The following INSL6 variants were observed in gnomAD, a reference collection of about 807,000 sequenced individuals.
INSL6 encodes insulin-like peptide INSL6.
Under a neutral mutation model 9.4 loss-of-function variants are expected in INSL6, and 16 were observed. That is an observed-to-expected ratio of 1.70 (90% confidence interval 1.15 to 2.59). The LOEUF is 2.59. Among genes scored for constraint, INSL6 ranks in the 30% most tolerant of loss-of-function variants. The probability of loss-of-function intolerance (pLI) is 0.00; values close to 1 mark genes in which losing one functional copy is unlikely to be tolerated. For synonymous variants in INSL6, 154 were observed against 96.9 expected (o/e 1.59, Z -3.46); for missense variants, 391 against 257.3 (o/e 1.52, Z -3.56).
chr9:5,163,825 C>A, downstream of INSL6: 1 of 833,868 alleles, frequency 1.2e-6, no homozygotes, highest in Non-Finnish European at 1.9e-6. Flanking sequence ...TTTTTCACAT[C>A]ATATCACTTA....
chr9:5,162,452 T>C (rs1023319694), downstream of INSL6, among the ~76,000 whole-genome samples: 7 of 152,244 alleles, frequency 4.6e-5, no homozygotes, highest in Non-Finnish European at 8.8e-5. Flanking sequence ...GGGACTTTTG[T>C]TGTGTGTATA....
At chr9:5,098,122 A>G in the INSL6 span, 1 of 152,150 alleles carries the variant, frequency 6.6e-6, no homozygotes, top group Non-Finnish European at 1.5e-5. Context: ...TTGAACAACC[A>G]TCTAGTAATT....
chr9:5,078,201 A>G, the INSL6 span: 25 of 874,244 alleles, frequency 2.9e-5, 1 homozygote, highest in African/African-American at 1.4e-4. Flanking sequence ...TTATTATACT[A>G]TCATGTATTT....
chr9:5,111,894 C>A, the INSL6 span: 1 of 356,860 alleles, frequency 2.8e-6, no homozygotes, highest in South Asian at 2.1e-5. Flanking sequence ...GCTCTGGGGA[C>A]GCCCTCGGGA....
At chr9:5,153,438 G>T (rs1397814417) in intron 2 of INSL6, among the ~76,000 whole-genome samples, 1 of 152,200 alleles carries the variant, frequency 6.6e-6, no homozygotes, top group African/African-American at 2.4e-5. Flanking sequence ...GTTTGAACAG[G>T]GTGGAGCCCA....
chr9:5,001,433 A>G, the INSL6 span, among the ~76,000 whole-genome samples: 1 of 152,152 alleles, frequency 6.6e-6, no homozygotes, highest in African/African-American at 2.4e-5. Flanking sequence ...TTCCTGCAAC[A>G]ATTGGGACGA....
At chr9:5,128,874 C>T (rs1403579113) in intron 3 of INSL6, among the ~76,000 whole-genome samples, 1 of 151,968 alleles carries the variant, frequency 6.6e-6, no homozygotes, top group African/African-American at 2.4e-5. Context: ...TAATATTCTT[C>T]AGAAACAAGG....
the INSL6 span, among the ~76,000 whole-genome samples, chr9:5,034,708 A>G: frequency 2.0e-5 from 3 of 152,144 alleles, no homozygotes; most frequent in African/African-American, 4.8e-5. Flanking sequence ...AAGACACAAC[A>G]TACCAGAATC....
chr9:5,155,445 T>C (rs1232898481), intron 2 of INSL6, among the ~76,000 whole-genome samples: 7 of 150,006 alleles, frequency 4.7e-5, no homozygotes, highest in Non-Finnish European at 7.4e-5. Flanking sequence ...CTGCACGTTA[T>C]GCACATGTAC....
intron 3 of INSL6, chr9:5,126,284 T>C: frequency 1.5e-6 from 2 of 1,326,088 alleles, no homozygotes; most frequent in Non-Finnish European, 1.1e-6. Context: ...AGAAAGAATT[T>C]TGCTACAAAT....
At chr9:5,101,699 A>G in the INSL6 span, among the ~76,000 whole-genome samples, 7 of 152,202 alleles carry the variant, frequency 4.6e-5, no homozygotes, top group Non-Finnish European at 1.0e-4. Context: ...AGGCAGCAAC[A>G]TTGGCTGTTC....
chr9:5,022,040 C>T, the INSL6 span: 1 of 1,614,122 alleles, frequency 6.2e-7, no homozygotes, highest in Non-Finnish European at 8.5e-7. Flanking sequence ...TCCACCTCTT[C>T]TATATATCAG....
the INSL6 span, among the ~76,000 whole-genome samples, chr9:5,092,542 G>C: frequency 6.6e-6 from 1 of 152,112 alleles, no homozygotes; most frequent in Admixed American, 6.5e-5. Context: ...ATTTACCTTA[G>C]ACAAAAGAAT....
At position 5,185,401 on chromosome 9, in the gene INSL6, C is replaced by T. The variant is rs552133251; in HGVS notation, c.202G>A (p.Ala68Thr). Residue 68 changes from alanine to threonine, a missense_variant, in exon 1 of 2, where the codon GCC becomes ACC. Physicochemically the swap from Ala to Thr is moderately conservative, Grantham distance 58. Coordinates refer to ENST00000381641, the MANE Select transcript of INSL6 (RefSeq NM_007179.3). ...CTGTAGGCTTCGACCTTCTCCGAGGCCTGTGCAATCAACCGTGAGAAAGGG... is the reference window on the plus strand; with the variant it reads ...CTGTAGGCTTCGACCTTCTCCGAGGTCTGTGCAATCAACCGTGAGAAAGGG... ...ETPFSRLIAQ[A>T]SEKVEAYSPY... The T allele has an allele frequency of 2.5e-6, 4 of 1,614,156 alleles. No homozygotes were observed. The highest frequency in any genetic ancestry group is 3.3e-5 in the Admixed American group (2 of 60,028).
chr9:5,177,696 G>T (rs1825342820), intron 1 of INSL6, among the ~76,000 whole-genome samples: 1 of 152,176 alleles, frequency 6.6e-6, no homozygotes, highest in Admixed American at 6.5e-5. Flanking sequence ...GCAAAAGCTG[G>T]AGTCCACCTG....
chr9:5,097,935 T>TC, the INSL6 span: 1 of 152,126 alleles, frequency 6.6e-6, no homozygotes, highest in South Asian at 2.1e-4. Context: ...TTAACCTTTT[T>TC]CCCACAGCAC....
chr9:5,174,443 A>G (rs1586877225), intron 1 of INSL6, among the ~76,000 whole-genome samples: 1 of 152,222 alleles, frequency 6.6e-6, no homozygotes, highest in African/African-American at 2.4e-5. Context: ...GATTTATGAA[A>G]TACACCTCTT....
intron 1 of INSL6, among the ~76,000 whole-genome samples, chr9:5,165,335 G>A (rs1030137848): frequency 1.3e-5 from 2 of 152,192 alleles, no homozygotes; most frequent in Admixed American, 6.5e-5. Context: ...AAATTTGTTT[G>A]ATGTTTTGAG....
At chr9:5,001,738 T>C in the INSL6 span, among the ~76,000 whole-genome samples, 1 of 152,110 alleles carries the variant, frequency 6.6e-6, no homozygotes, top group African/African-American at 2.4e-5. Flanking sequence ...TAAGAGTTTA[T>C]ACAGAATTGG....
Sources: allele counts gnomAD v4.1 joint callset (sites outside exome capture counted in the v4.1 genomes callset), GRCh38; gene constraint gnomAD v4.1.1; transcripts MANE v1.5; gene names NCBI Gene and HGNC (gene_info 2026-07-23, HGNC 2026-07-21).